The following PTPRM variants were observed in gnomAD, a reference collection of about 807,000 sequenced individuals.
PTPRM encodes the protein protein tyrosine phosphatase receptor type M.
Under a neutral mutation model 186.7 loss-of-function variants are expected in PTPRM, and 47 were observed. The observed-to-expected ratio is 0.25, with a 90% CI of 0.20 to 0.32. The LOEUF (loss-of-function observed/expected upper bound fraction) is 0.32, where lower values mean the gene tolerates loss of function less well. Among genes scored for constraint, PTPRM ranks in the 10% least tolerant of loss-of-function variants. PTPRM has a pLI of 1.00. For missense variants in PTPRM, 1,494 were observed against 1,865.0 expected (o/e 0.80, Z 3.66); for synonymous variants, 668 against 674.9 (o/e 0.99, Z 0.16).
At chr18:8,162,754 A>G (rs1232649092) in intron 14 of PTPRM, among the ~76,000 whole-genome samples, 1 of 152,198 alleles carries the variant, frequency 6.6e-6, no homozygotes, top group African/African-American at 2.4e-5. Flanking sequence ...CTATGTATCC[A>G]TTCCTCTCTC....
At chr18:7,849,050 C>T (rs369197869) in intron 2 of PTPRM, among the ~76,000 whole-genome samples, 3 of 152,014 alleles carry the variant, frequency 2.0e-5, no homozygotes, top group African/African-American at 7.2e-5. Context: ...CACAGGGGAA[C>T]GCATAGCAAA....
chr18:8,074,575 T>A (rs1600410866), intron 8 of PTPRM, among the ~76,000 whole-genome samples: 1 of 152,178 alleles, frequency 6.6e-6, no homozygotes, highest in African/African-American at 2.4e-5. Context: ...CTTGTTATCA[T>A]GTCTTTTCGT....
chr18:7,906,480 A>G (rs769193392), intron 3 of PTPRM, 25 bp from the exon 4 acceptor site: 2 of 1,549,568 alleles, frequency 1.3e-6, no homozygotes, highest in Admixed American at 3.3e-5. Context: ...TGAATAAATA[A>G]TGTAAATCTT....
intron 14 of PTPRM, among the ~76,000 whole-genome samples, chr18:8,161,119 T>A (rs892903405): frequency 2.6e-5 from 4 of 152,172 alleles, no homozygotes; most frequent in African/African-American, 9.7e-5. Flanking sequence ...CAGAAATATA[T>A]TAAGATCTTC....
intron 1 of PTPRM, among the ~76,000 whole-genome samples, chr18:7,630,368 C>T (rs2038162939): frequency 6.6e-6 from 1 of 152,104 alleles, no homozygotes; most frequent in Non-Finnish European, 1.5e-5. Context: ...CTGAGAAGAA[C>T]AGCCTTGGAT....
intron 7 of PTPRM, among the ~76,000 whole-genome samples, chr18:8,008,264 C>T (rs900862808): frequency 2.0e-5 from 3 of 151,992 alleles, no homozygotes; most frequent in Non-Finnish European, 4.4e-5. Context: ...AGTAGGAGGT[C>T]GGCAGTTCAG....
rs367874001 is a variant in PTPRM, at chr18:7,612,177, C to CTG, written c.73+44305_73+44306dup. Among the ~76,000 whole-genome samples, 1,212 of 149,252 alleles carry CTG rather than the reference C, an allele frequency of 8.1e-3. 11 individuals carry two copies. The highest frequency in any genetic ancestry group is 0.019 in the African/African-American group (788 of 40,804). On this transcript the variant is annotated intron_variant, in intron 1 of 32. Coordinates refer to ENST00000580170, the MANE Select transcript of PTPRM (RefSeq NM_001105244.2). ...AACTAATTTGCATTGTGTATGTGCTCTGTGTGTGTGTGTGTGTGTGGTGTG... is the reference window on the plus strand; with the variant it reads ...AACTAATTTGCATTGTGTATGTGCTCTGTGTGTGTGTGTGTGTGTGTGGTGTG...
At chr18:8,008,406 A>C (rs752063322) in intron 7 of PTPRM, among the ~76,000 whole-genome samples, 12 of 152,238 alleles carry the variant, frequency 7.9e-5, no homozygotes, top group African/African-American at 1.4e-4. Context: ...ATCTTAACAG[A>C]AAAATCCACT....
chr18:8,037,335 T>C (rs926138561), intron 7 of PTPRM, among the ~76,000 whole-genome samples: 1 of 152,200 alleles, frequency 6.6e-6, no homozygotes, highest in African/African-American at 2.4e-5. Context: ...GAAATGTGTT[T>C]GTGAGGAAAA....
chr18:8,084,279 C>T (rs1042611562), intron 9 of PTPRM, among the ~76,000 whole-genome samples: 5 of 152,092 alleles, frequency 3.3e-5, no homozygotes, highest in African/African-American at 9.7e-5. Flanking sequence ...GGTTTAGATC[C>T]GTCTCCTCCA....
intron 2 of PTPRM, among the ~76,000 whole-genome samples, chr18:7,794,025 G>A (rs967400001): frequency 4.6e-5 from 7 of 152,184 alleles, no homozygotes; most frequent in African/African-American, 1.4e-4. Context: ...TTGGAGGAGA[G>A]CCTGGGCCAC....
At position 7,931,572 on chromosome 18, in the gene PTPRM, G is replaced by A. The variant is rs985593171; in HGVS notation, c.663+4889G>A. ...AAAATTTAGCTGGGTGTGGTGGCAC[G>A]TGCCTGTAGTTCCAGCTACTCAGGA... On this transcript the variant is annotated intron_variant, in intron 5 of 32. Coordinates refer to ENST00000580170, the MANE Select transcript of PTPRM (RefSeq NM_001105244.2). Among the ~76,000 whole-genome samples the A allele has an allele frequency of 1.1e-4, 17 of 152,250 alleles. No individual in the cohort carries two copies. In the East Asian group the frequency reaches 2.1e-3, roughly 19 times the overall value.
intron 7 of PTPRM, among the ~76,000 whole-genome samples, chr18:8,059,181 G>C (rs1207952896): frequency 4.6e-4 from 69 of 150,448 alleles, no homozygotes; most frequent in Non-Finnish European, 5.9e-5. Flanking sequence ...TCCCTTGTAA[G>C]TTGGATTCCT....
chr18:8,291,094 G>C (rs1406961116), intron 19 of PTPRM, among the ~76,000 whole-genome samples: 2 of 152,076 alleles, frequency 1.3e-5, no homozygotes, highest in African/African-American at 4.8e-5. Flanking sequence ...ATGTCCTCAG[G>C]GGCTAAATGA....
At chr18:8,289,026 A>G (rs551934229) in intron 19 of PTPRM, among the ~76,000 whole-genome samples, 1 of 152,304 alleles carries the variant, frequency 6.6e-6, no homozygotes, top group South Asian at 2.1e-4. Context: ...AGTGCAATGC[A>G]TCAGGCACAA....
At chr18:7,932,122 G>A (rs891676674) in intron 5 of PTPRM, among the ~76,000 whole-genome samples, 1 of 152,158 alleles carries the variant, frequency 6.6e-6, no homozygotes, top group Admixed American at 6.5e-5. Context: ...AAATACAAAG[G>A]TTCTGCCTCC....
chr18:8,269,621 C>T (rs546049035), intron 19 of PTPRM, among the ~76,000 whole-genome samples: 2 of 151,960 alleles, frequency 1.3e-5, no homozygotes, highest in South Asian at 4.1e-4. Context: ...CATTAGACTC[C>T]CTGATTTCAA....
chr18:8,204,890 G>C (rs1193897558), intron 14 of PTPRM, among the ~76,000 whole-genome samples: 6 of 152,164 alleles, frequency 3.9e-5, no homozygotes, highest in Non-Finnish European at 7.3e-5. Flanking sequence ...TCTGGTCAGA[G>C]TGTGGAAAGA....
At chr18:8,090,302 C>G (rs1162320203) in intron 11 of PTPRM, among the ~76,000 whole-genome samples, 1 of 152,112 alleles carries the variant, frequency 6.6e-6, no homozygotes, top group Non-Finnish European at 1.5e-5. Flanking sequence ...TTGTTTCTGA[C>G]CCACTTAACA....
Sources: gnomAD v4.1 joint callset for allele counts (sites outside exome capture counted in the v4.1 genomes callset) on GRCh38, gnomAD v4.1.1 for gene constraint, MANE v1.5 for transcripts, NCBI Gene and HGNC (gene_info 2026-07-23, HGNC 2026-07-21) for gene names.